Variants in ASMTL observed in about 807,000 individuals in gnomAD.
The protein encoded by ASMTL is acetylserotonin O-methyltransferase like, also known as probable bifunctional dTTP/UTP pyrophosphatase/methyltransferase protein.
A neutral mutation model predicts 60.3 loss-of-function variants in ASMTL; 57 were observed. That is an observed-to-expected ratio of 0.95 (90% confidence interval 0.76 to 1.18). The LOEUF is 1.18. Among genes scored for constraint, ASMTL ranks in the 50% most tolerant of loss-of-function variants. The pLI is 0.00. For missense variants in ASMTL, 981 were observed against 852.6 expected, an observed-to-expected ratio of 1.15 and a Z score of -1.88; for synonymous variants, 419 against 373.0, an observed-to-expected ratio of 1.12 and a Z score of -1.42.
Position 1,452,819 on chromosome X carries a change from C to G in ASMTL, c.22G>C (p.Gly8Arg). The G allele has an allele frequency of 6.3e-7, 1 of 1,594,564 alleles. No individual in the cohort carries two copies. The highest frequency in any genetic ancestry group is 8.5e-7 in the Non-Finnish European group (1 of 1,176,978). MVLCPVI[G>R]KLLHKRVVLA... ...ACCACGCGCTTGTGCAGCAGCTTCC[C>G]AATCACCGGGCACAGCACCATGGCG... is the stretch of plus-strand genomic sequence containing the variant. Residue 8 changes from glycine (G) to arginine (R), a missense_variant, in exon 1 of 13, where the codon GGG becomes CGG. Transcript: ENST00000381317.
chrX:1,417,740 A>T (rs2090346043), intron 11 of ASMTL, among the ~76,000 whole-genome samples: 1 of 71,184 alleles, frequency 1.4e-5, no homozygotes, highest in South Asian at 1.0e-3. Flanking sequence ...ACACACAGAC[A>T]TGCTCACGCA....
At chrX:1,412,289 G>A (rs1381933375) in intron 12 of ASMTL, among the ~76,000 whole-genome samples, 9 of 152,126 alleles carry the variant, frequency 5.9e-5, no homozygotes, top group Non-Finnish European at 8.8e-5. Context: ...GTGCAGTGGC[G>A]CGATCTCGGC....
intron 7 of ASMTL, among the ~76,000 whole-genome samples, chrX:1,426,764 TCTC>T (rs2090623978): frequency 2.0e-5 from 3 of 152,026 alleles, no homozygotes; most frequent in East Asian, 3.9e-4. Context: ...CTACTCAGGA[TCTC>T]CTCTTGAGAT....
At chrX:1,426,914 C>T (rs1249256257) in intron 7 of ASMTL, among the ~76,000 whole-genome samples, 2 of 151,964 alleles carry the variant, frequency 1.3e-5, no homozygotes, top group Admixed American at 6.6e-5. Context: ...ACCCGGGAGG[C>T]AGAGGTTGCA....
At chrX:1,404,685 G>GGTAC (rs2149254728) in intron 12 of ASMTL, among the ~76,000 whole-genome samples, 1 of 14,586 alleles carries the variant, frequency 6.9e-5, no homozygotes, top group East Asian at 3.8e-3. Flanking sequence ...GTAGATGATG[G>GGTAC]GTAGGTAGAT....
chrX:1,445,098 G>C (rs1481467491), intron 1 of ASMTL, among the ~76,000 whole-genome samples: 4 of 152,076 alleles, frequency 2.6e-5, no homozygotes, highest in African/African-American at 9.7e-5. Flanking sequence ...CAGCCGTCTG[G>C]TAAGATCTGC....
intron 10 of ASMTL, 50 bp downstream of exon 10, chrX:1,418,932 G>A (rs779740235): frequency 1.2e-6 from 2 of 1,609,856 alleles, no homozygotes; most frequent in Non-Finnish European, 1.7e-6. Context: ...GAAGATACCT[G>A]TGGCTTAATA....
chrX:1,411,908 T>G (rs2090043268), intron 12 of ASMTL, among the ~76,000 whole-genome samples: 1 of 136,834 alleles, frequency 7.3e-6, no homozygotes. Flanking sequence ...CGTCTCCAGG[T>G]TCAAGCGATT....
At chrX:1,425,849 G>A (rs1353322311) in intron 7 of ASMTL, 162 bp from the exon 8 acceptor site, 4 of 230,660 alleles carry the variant, frequency 1.7e-5, no homozygotes, top group Non-Finnish European at 2.9e-5. Context: ...CAAGTCCCCA[G>A]CTATAAAACA....
chrX:1,439,972 C>G (rs758798232), intron 2 of ASMTL, among the ~76,000 whole-genome samples: 1 of 152,246 alleles, frequency 6.6e-6, no homozygotes, highest in East Asian at 1.9e-4. Context: ...CAGCTTTGAC[C>G]TTAGCTCAGC....
At chrX:1,425,387 G>A in intron 8 of ASMTL, 138 bp downstream of exon 8, 1 of 1,040,292 alleles carries the variant, frequency 9.6e-7, no homozygotes, top group Non-Finnish European at 1.4e-6. Context: ...CAACCTTTCG[G>A]GAAAAGCAGC....
upstream of ASMTL, among the ~76,000 whole-genome samples, chrX:1,453,223 C>G (rs1256704680): frequency 2.6e-5 from 4 of 151,170 alleles, no homozygotes; most frequent in African/African-American, 9.7e-5. Flanking sequence ...CATGTCACGC[C>G]GCCATTGACC....
At position 1,435,374 on chromosome X, in the gene ASMTL, G is replaced by A. The variant is rs1363138799; in HGVS notation, c.339-291C>T. On this transcript the variant is annotated intron_variant, in intron 4 of 12. Coordinates refer to ENST00000381317, the MANE Select transcript of ASMTL (RefSeq NM_004192.4). The stretch of plus-strand genomic sequence containing the variant: ...GTGCATCTCTTCCACGTCCTGGGAT[G>A]GGGATGACGTCCCAGGCTACGGGCT... 2.5e-5 allele frequency: 15 copies of A among 605,702 alleles called. No individual in the cohort carries two copies. The East Asian group carries it at 3.8e-4, about 16-fold the overall frequency. 37.5% of individuals were successfully genotyped at this position (605,702 alleles called of 1,614,324 possible).
Position 1,403,275 on chromosome X carries a change from G to T in ASMTL, c.1860C>A (p.Ala620=), listed in dbSNP as rs1455430379. The T allele has an allele frequency of 1.2e-6, 2 of 1,612,504 alleles. No individual in the cohort carries two copies. Among genetic ancestry groups the T allele is most frequent in the Non-Finnish European group, 1.7e-6 (2 of 1,179,752 alleles). ...VLDAILATKV[A]P is the part of the protein sequence containing the mutation. ...TGAACATGCTGCCTGGGCTTCAGGG[G>T]GCCACTTTGGTGGCCAAGATGGCAT... The change falls in exon 13 of 13, where the codon GCC becomes GCA. Residue 620 remains alanine, a synonymous_variant. Transcript: ENST00000381317.
intron 4 of ASMTL, 143 bp from the exon 5 acceptor site, chrX:1,435,226 T>G (rs2090929123): frequency 2.3e-6 from 2 of 886,022 alleles, no homozygotes; most frequent in Non-Finnish European, 3.7e-6. Flanking sequence ...CGTCCCGCTG[T>G]GGGGTCTCCA....
At chrX:1,429,907 T>G (rs2090722657) in intron 6 of ASMTL, among the ~76,000 whole-genome samples, 5 of 152,156 alleles carry the variant, frequency 3.3e-5, no homozygotes, top group Admixed American at 2.6e-4. Context: ...TCTGTGTGTG[T>G]GGGGAGAAGA....
intron 1 of ASMTL, among the ~76,000 whole-genome samples, chrX:1,443,140 C>CACCGCCGTTGTGGACACAT (rs1373341125): frequency 7.2e-6 from 1 of 139,398 alleles, no homozygotes; most frequent in Non-Finnish European, 1.6e-5. Flanking sequence ...CGTGGACACA[C>CACCGCCGTTGTGGACACAT]GCCGCCATCT....
chrX:1,440,084 TC>T, intron 2 of ASMTL, among the ~76,000 whole-genome samples: 1 of 150,724 alleles, frequency 6.6e-6, no homozygotes, highest in South Asian at 2.1e-4. Context: ...TGTATTTCTT[TC>T]TTTCTTTTTT....
rs1346283954 is a variant in ASMTL, at chrX:1,452,774, G to C, written c.67C>G (p.Arg23Gly). 2 of 1,596,552 alleles carry C rather than the reference G, an allele frequency of 1.3e-6. No homozygotes were observed. The highest frequency in any genetic ancestry group is 2.2e-5 in the South Asian group (2 of 89,500). The change falls in exon 1 of 13, where the codon CGC becomes GGC. Residue 23 changes from arginine to glycine, a missense_variant. Physicochemically the swap from Arg to Gly is moderately radical, Grantham distance 125. Transcript: ENST00000381317. ...GCGTTGCTGAGGATCTCCTGACGGC[G>C]TGGGGAGGCGCTGGCCAGCACCACG... ...KRVVLASASP[R>G]RQEILSNAGL...
Sources: allele counts gnomAD v4.1 joint callset (sites outside exome capture counted in the v4.1 genomes callset), GRCh38; gene constraint gnomAD v4.1.1; transcripts MANE v1.5; gene names NCBI Gene and HGNC (gene_info 2026-07-23, HGNC 2026-07-21).